CREB5: variants seen among roughly 807,000 people sequenced by gnomAD.
CREB5 encodes the protein cyclic AMP-responsive element-binding protein 5.
In CREB5, 19 loss-of-function variants were observed where a neutral mutation model predicts 57.1. The observed-to-expected ratio is 0.33, with a 90% CI of 0.23 to 0.49. CREB5 has a LOEUF of 0.49. Ranked by LOEUF, CREB5 falls within the 20% of genes least tolerant of loss-of-function variation. The probability of loss-of-function intolerance (pLI) is 0.99; values close to 1 mark genes in which losing one functional copy is unlikely to be tolerated. For synonymous variants in CREB5, 238 were observed against 238.3 expected (o/e 1.00, Z 0.01); for missense variants, 579 against 671.6 (o/e 0.86, Z 1.52).
intron 4 of CREB5, 77 bp downstream of exon 4, chr7:28,507,814 G>A: frequency 6.9e-7 from 1 of 1,459,438 alleles, no homozygotes; most frequent in South Asian, 1.5e-5. Flanking sequence ...GCACTGCACT[G>A]CAGATTGTGT....
At chr7:28,726,329 A>G (rs556697698) in intron 7 of CREB5, among the ~76,000 whole-genome samples, 1 of 152,286 alleles carries the variant, frequency 6.6e-6, no homozygotes, top group Admixed American at 6.5e-5. Flanking sequence ...AAATGGTAGC[A>G]TTGGCTGCTC....
At chr7:28,361,972 A>G (rs1277480794) in intron 1 of CREB5, among the ~76,000 whole-genome samples, 2 of 152,250 alleles carry the variant, frequency 1.3e-5, no homozygotes, top group South Asian at 2.1e-4. Context: ...TCCTCCAGCC[A>G]GGTCCTTATC....
At chr7:28,524,769 A>G (rs1213601988) in intron 4 of CREB5, among the ~76,000 whole-genome samples, 1 of 152,206 alleles carries the variant, frequency 6.6e-6, no homozygotes, top group African/African-American at 2.4e-5. Context: ...CATGCATAGA[A>G]TATGTAGTGA....
intron 5 of CREB5, chr7:28,685,897 G>A (rs1800870996): frequency 2.4e-6 from 1 of 416,870 alleles, no homozygotes; most frequent in Non-Finnish European, 4.3e-6. Context: ...TGAAGTTTTT[G>A]CTTCAGTTCT....
chr7:28,400,335 G>A (rs1052922075), intron 1 of CREB5, among the ~76,000 whole-genome samples: 7 of 152,170 alleles, frequency 4.6e-5, no homozygotes, highest in Admixed American at 2.0e-4. Context: ...ACCCAGAGTT[G>A]TCAGGATTAA....
At chr7:28,638,601 C>T (rs1454565969) in intron 5 of CREB5, among the ~76,000 whole-genome samples, 1 of 152,120 alleles carries the variant, frequency 6.6e-6, no homozygotes, top group Admixed American at 6.5e-5. Flanking sequence ...CCAGCCTCAG[C>T]CTCCCAAAGT....
At chr7:28,691,701 C>CAT (rs980948234) in intron 5 of CREB5, among the ~76,000 whole-genome samples, 1 of 152,052 alleles carries the variant, frequency 6.6e-6, no homozygotes, top group Admixed American at 6.6e-5. Flanking sequence ...TGCAAAAGGG[C>CAT]ATATGGTGTC....
In CREB5 at chr7:28,466,210, T is replaced by TAA. The variant is rs5883134; in HGVS notation, c.4-21942_4-21941dup. On this transcript the variant is annotated intron_variant, in intron 1 of 10. Coordinates refer to ENST00000357727, the MANE Select transcript of CREB5 (RefSeq NM_182898.4). ...TTTATCCTAAACATATGACTGGAGT[T>TAA]AAAAAAAAAAAAAAAAAAAAAAAAG... 3.7e-3 allele frequency among the ~76,000 whole-genome samples: 349 copies of TAA among 94,726 alleles called. 5 individuals are homozygous for TAA. The highest frequency in any genetic ancestry group is 0.018 in the Middle Eastern group (3 of 164). 62.1% of individuals were successfully genotyped at this position (94,726 alleles called of 152,430 possible). A position where few individuals can be genotyped will look rare whatever the true frequency, so the allele number is the denominator to read the frequency against.
intron 1 of CREB5, among the ~76,000 whole-genome samples, chr7:28,428,350 A>G (rs2128015137): frequency 6.6e-6 from 1 of 152,292 alleles, no homozygotes; most frequent in South Asian, 2.1e-4. Flanking sequence ...AGCATCTATC[A>G]CTTATAAAGC....
Position 28,819,190 on chromosome 7 carries a change from A to ACTACTTCCT in CREB5, c.1440_1448dup (p.Thr481_Ser483dup). The stretch of plus-strand genomic sequence containing the variant: ...ACAAGTCATCCAGCATAATACCATC[A>ACTACTTCCT]CTACTTCCTCATCGGTCAGCGAGGT... On this transcript the variant is annotated inframe_insertion, in exon 11 of 11. Coordinates refer to ENST00000357727, the MANE Select transcript of CREB5 (RefSeq NM_182898.4). 1 of 1,613,772 alleles carries ACTACTTCCT rather than the reference A, an allele frequency of 6.2e-7. No homozygotes were observed. Among genetic ancestry groups the ACTACTTCCT allele is most frequent in the Non-Finnish European group, 8.5e-7 (1 of 1,179,870 alleles).
intron 1 of CREB5, among the ~76,000 whole-genome samples, chr7:28,357,696 G>A (rs754284860): frequency 9.2e-5 from 14 of 152,134 alleles, no homozygotes; most frequent in Non-Finnish European, 1.9e-4. Context: ...TGGGGAACAC[G>A]GAGTATATGC....
chr7:28,483,718 CA>C (rs1482360758), intron 1 of CREB5, among the ~76,000 whole-genome samples: 1 of 152,080 alleles, frequency 6.6e-6, no homozygotes, highest in Non-Finnish European at 1.5e-5. Context: ...TTAATGATGC[CA>C]ATGTCCATGG....
chr7:28,776,936 C>T (rs1211634655), intron 7 of CREB5, among the ~76,000 whole-genome samples: 3 of 152,094 alleles, frequency 2.0e-5, no homozygotes, highest in African/African-American at 7.2e-5. Context: ...TTTTATTCAC[C>T]CATTCATCAA....
At position 28,626,453 on chromosome 7, in the gene CREB5, C is replaced by G. The variant is rs891648729; in HGVS notation, c.464+55916C>G. On this transcript the variant is annotated intron_variant, in intron 5 of 10. Transcript: ENST00000357727. Reference sequence around the variant, plus strand: ...ATGAGGTGTGTTATTATGACTATCCCCATTTTACAAACAGAAAAACCAAGA... The same window carrying G: ...ATGAGGTGTGTTATTATGACTATCCGCATTTTACAAACAGAAAAACCAAGA... 3.3e-5 allele frequency among the ~76,000 whole-genome samples: 5 copies of G among 152,264 alleles called. No homozygotes were observed. The East Asian group carries it at 9.7e-4, about 29-fold the overall frequency.
At chr7:28,658,996 A>AT (rs1799483354) in intron 5 of CREB5, among the ~76,000 whole-genome samples, 1 of 72,722 alleles carries the variant, frequency 1.4e-5, no homozygotes, top group African/African-American at 4.7e-5. Context: ...TATAAGTCAT[A>AT]ATTTATAATA....
intron 7 of CREB5, among the ~76,000 whole-genome samples, chr7:28,735,670 A>T (rs765941685): frequency 2.6e-5 from 4 of 152,096 alleles, no homozygotes; most frequent in Non-Finnish European, 5.9e-5. Context: ...CCTGAGGGGG[A>T]GGGATCTGAA....
intron 5 of CREB5, among the ~76,000 whole-genome samples, chr7:28,621,219 CAT>C (rs1157235313): frequency 2.0e-5 from 3 of 152,210 alleles, no homozygotes; most frequent in African/African-American, 7.2e-5. Flanking sequence ...AGGGCATCCA[CAT>C]CTCTGGTAGC....
intron 7 of CREB5, among the ~76,000 whole-genome samples, chr7:28,737,456 A>G (rs2128754405): frequency 6.7e-6 from 1 of 149,250 alleles, no homozygotes; most frequent in South Asian, 2.1e-4. Flanking sequence ...TAAATGAGGT[A>G]ACAGAGAAAT....
chr7:28,737,600 G>A (rs1443672414), intron 7 of CREB5, among the ~76,000 whole-genome samples: 2 of 127,222 alleles, frequency 1.6e-5, no homozygotes, highest in African/African-American at 6.0e-5. Context: ...TTTAACTCCT[G>A]TTTCAAAGGA....
Sources: allele counts gnomAD v4.1 joint callset (sites outside exome capture counted in the v4.1 genomes callset), GRCh38; gene constraint gnomAD v4.1.1; transcripts MANE v1.5; gene names NCBI Gene and HGNC (gene_info 2026-07-23, HGNC 2026-07-21).